The following ZNF337 variants were observed in gnomAD, a reference collection of about 807,000 sequenced individuals.
The protein encoded by ZNF337 is zinc finger protein 337.
A neutral mutation model predicts 12.1 loss-of-function variants in ZNF337; 8 were observed. The observed-to-expected ratio is 0.66, with a 90% CI of 0.39 to 1.19. The LOEUF (loss-of-function observed/expected upper bound fraction) is 1.19. ZNF337 is among the 50% of genes most tolerant of loss of function. The pLI is 0.01. For synonymous variants in ZNF337, 336 were observed against 320.0 expected, an observed-to-expected ratio of 1.05 and a Z score of -0.53; for missense variants, 882 against 896.6, an observed-to-expected ratio of 0.98 and a Z score of 0.21.
Position 25,674,103 on chromosome 20 carries a change from G to A in ZNF337, c.*929C>T, listed in dbSNP as rs1342323847. The A allele has an allele frequency of 6.6e-6, 1 of 152,226 alleles. No homozygotes were observed. Among genetic ancestry groups the A allele is most frequent in the Non-Finnish European group, 1.5e-5 (1 of 68,050 alleles). The allele number at this position is 152,226 out of a possible 1,614,324, so 9.4% of individuals were successfully genotyped here. On this transcript the variant is annotated 3_prime_UTR_variant, in exon 5 of 5. Coordinates refer to ENST00000252979, the MANE Select transcript of ZNF337 (RefSeq NM_015655.4). Reference sequence around the variant, plus strand: ...GGGAGTTCTCTGCAAAGACCAATATGGGACTGCATATACAGAGATTTTATT... The same window carrying A: ...GGGAGTTCTCTGCAAAGACCAATATAGGACTGCATATACAGAGATTTTATT...
chr20:25,682,429 C>T lies in ZNF337; in HGVS notation c.250+3138G>A, dbSNP rs1453014737. Among the ~76,000 whole-genome samples, 8 of 152,212 alleles carry T rather than the reference C, an allele frequency of 5.3e-5. No homozygotes were observed. In the East Asian group the frequency reaches 1.3e-3, roughly 26 times the overall value. On this transcript the variant is annotated intron_variant, in intron 4 of 4. Transcript: ENST00000252979. ...AACTTAGTAGATATGGAACAATCCA[C>T]TATGAATATAGAAGATGTAAAAATC... is the stretch of plus-strand genomic sequence containing the variant.
intron 1 of ZNF337, among the ~76,000 whole-genome samples, chr20:25,695,792 G>A (rs1475640329): frequency 1.3e-5 from 2 of 152,094 alleles, no homozygotes; most frequent in African/African-American, 4.8e-5. Context: ...CTCCCAAAGT[G>A]CTGGGACTAC....
At chr20:25,677,572 C>T (rs980205205) in intron 4 of ZNF337, 1 of 152,648 alleles carries the variant, frequency 6.6e-6, no homozygotes, top group Admixed American at 6.6e-5. Context: ...CTCACTCTGT[C>T]ACCCAGGCTG....
intron 1 of ZNF337, 128 bp from the exon 2 acceptor site, chr20:25,686,594 C>T: frequency 1.4e-6 from 1 of 699,658 alleles, no homozygotes; most frequent in South Asian, 1.9e-5. Flanking sequence ...CTGTGGGGAT[C>T]TGGCCAAAAG....
At chr20:25,692,171 T>C (rs1451599218) in intron 1 of ZNF337, among the ~76,000 whole-genome samples, 4 of 152,226 alleles carry the variant, frequency 2.6e-5, no homozygotes, top group East Asian at 1.9e-4. Flanking sequence ...AGCTGGTTTC[T>C]AGATATTTCT....
Position 25,676,717 on chromosome 20 carries a change from G to A in ZNF337, c.571C>T (p.Arg191Trp), listed in dbSNP as rs138762711. 24 of 1,614,002 alleles carry A rather than the reference G, an allele frequency of 1.5e-5. No individual in the cohort carries two copies. Among genetic ancestry groups the A allele is most frequent in the Non-Finnish European group, 1.6e-5 (19 of 1,180,036 alleles). The change falls in exon 5 of 5, where the codon CGG becomes TGG. Residue 191 changes from arginine to tryptophan, a missense_variant. Arg to Trp is a moderately radical substitution (Grantham distance 101, BLOSUM62 -3). Coordinates refer to ENST00000252979, the MANE Select transcript of ZNF337 (RefSeq NM_015655.4). Reference sequence around the variant, plus strand: ...TTGTGTATGATTACCATCATCTTCCGGCTGAAGTCTTGCCCACGCTCTGCA... The same window carrying A: ...TTGTGTATGATTACCATCATCTTCCAGCTGAAGTCTTGCCCACGCTCTGCA... Reference protein sequence around the residue: ...KCAERGQDFSRKMMVIIHKKA... With the variant: ...KCAERGQDFSWKMMVIIHKKA...
At position 25,675,090 on chromosome 20, in the gene ZNF337, T is replaced by G. The variant is rs1270356196; in HGVS notation, c.2198A>C (p.Lys733Thr). The stretch of plus-strand genomic sequence containing the variant: ...AAAACGCTTCTCACGTAAGTGTCTC[T>G]TTAAGTGCTTACTGTAGTATGACTT... ...SNKSYYSKHLKRHLREKRFCT... is the reference protein window; with the variant it reads ...SNKSYYSKHLTRHLREKRFCT... Residue 733 changes from lysine to threonine, a missense_variant, in exon 5 of 5, where the codon AAG becomes ACG. By Grantham distance (78) the Lys-to-Thr change is moderately conservative (BLOSUM62 -1). Coordinates refer to ENST00000252979, the MANE Select transcript of ZNF337 (RefSeq NM_015655.4). 3 of 1,613,862 alleles carry G rather than the reference T, an allele frequency of 1.9e-6. No individual in the cohort carries two copies. Among genetic ancestry groups the G allele is most frequent in the South Asian group, 2.2e-5 (2 of 91,050 alleles).
At position 25,674,831 on chromosome 20, in the gene ZNF337, A is replaced by G; in HGVS notation, c.*201T>C. The G allele has an allele frequency of 1.7e-6, 1 of 594,148 alleles. No individual in the cohort carries two copies. The allele number at this position is 594,148 out of a possible 1,614,324, so 36.8% of individuals were successfully genotyped here. A position where few individuals can be genotyped will look rare whatever the true frequency, so the allele number is the denominator to read the frequency against. ...AGGTAATGCCCTCCCCTCAACTGGC[A>G]TCTCTGTTCCCTAAACATTGACCTC... is the stretch of plus-strand genomic sequence containing the variant. On this transcript the variant is annotated 3_prime_UTR_variant, in exon 5 of 5. Coordinates refer to ENST00000252979, the MANE Select transcript of ZNF337 (RefSeq NM_015655.4).
Position 25,675,433 on chromosome 20 carries a change from G to A in ZNF337, c.1855C>T (p.Gln619Ter), listed in dbSNP as rs765184760. ...GGCTGCTTGCCAGAATGTGCAAGCTGGTGTTTCACAAGATTTGACTTCCAG... is the reference window on the plus strand; with the variant it reads ...GGCTGCTTGCCAGAATGTGCAAGCTAGTGTTTCACAAGATTTGACTTCCAG... ...FIWKSNLVKH[Q>*]LAHSGKQPFV... Residue 619 changes from glutamine to a stop codon, truncating the protein, a stop_gained, in exon 5 of 5, where the codon CAG becomes TAG. Coordinates refer to ENST00000252979, the MANE Select transcript of ZNF337 (RefSeq NM_015655.4). LOFTEE classifies it low-confidence loss of function (END_TRUNC). 7.4e-6 allele frequency: 12 copies of A among 1,614,044 alleles called. No homozygotes were observed. Among genetic ancestry groups the A allele is most frequent in the Non-Finnish European group, 8.5e-6 (10 of 1,179,996 alleles).
Position 25,676,536 on chromosome 20 carries a change from A to AGGTT in ZNF337, c.748_751dup (p.Leu251GlnfsTer27), listed in dbSNP as rs1360649002. 9.9e-6 allele frequency: 16 copies of AGGTT among 1,613,932 alleles called. No homozygotes were observed. Among genetic ancestry groups the AGGTT allele is most frequent in the Non-Finnish European group, 1.4e-5 (16 of 1,180,002 alleles). ...TGAGTGTGTCCTCTGGTGTCTGAGG[A>AGGTT]GGTTGGCCTTGAGGCTGAAGCCTCG... On this transcript the variant is annotated frameshift_variant, in exon 5 of 5. Coordinates refer to ENST00000252979, the MANE Select transcript of ZNF337 (RefSeq NM_015655.4). LOFTEE classifies it low-confidence loss of function (END_TRUNC).
At position 25,686,425 on chromosome 20, in the gene ZNF337, T is replaced by C; in HGVS notation, c.-8A>G. On this transcript the variant is annotated 5_prime_UTR_variant, in exon 2 of 5. Coordinates refer to ENST00000252979, the MANE Select transcript of ZNF337 (RefSeq NM_015655.4). The stretch of plus-strand genomic sequence containing the variant: ...GGCTCCCTGAGGTCCCATGACTGTC[T>C]TCCTGCTCTCCACGGAGAAGGGAAG... The C allele has an allele frequency of 1.2e-6, 2 of 1,614,090 alleles. No individual in the cohort carries two copies. Among genetic ancestry groups the C allele is most frequent in the Non-Finnish European group, 1.7e-6 (2 of 1,179,988 alleles).
intron 1 of ZNF337, 135 bp downstream of exon 1, chr20:25,696,624 G>T (rs1040956375): frequency 3.4e-6 from 2 of 581,598 alleles, no homozygotes; most frequent in Non-Finnish European, 4.3e-6. Context: ...CCCCTCCCCA[G>T]AACGCGGAGA....
In ZNF337 at chr20:25,675,115, T is replaced by G; in HGVS notation, c.2173A>C (p.Lys725Gln). 1 of 1,614,204 alleles carries G rather than the reference T, an allele frequency of 6.2e-7. No individual in the cohort carries two copies. The highest frequency in any genetic ancestry group is 1.1e-5 in the South Asian group (1 of 91,086). ...CQECGRKFSN[K>Q]SYYSKHLKRH... ...TTTAAGTGCTTACTGTAGTATGACT[T>G]ATTGCTAAACTTTCGTCCACACTCT... Residue 725 changes from lysine (K) to glutamine (Q), a missense_variant, in exon 5 of 5, where the codon AAG (lysine) becomes CAG (glutamine). Physicochemically the swap from Lys to Gln is moderately conservative, Grantham distance 53. Transcript: ENST00000252979.
intron 1 of ZNF337, among the ~76,000 whole-genome samples, chr20:25,687,603 T>A (rs1235691036): frequency 6.6e-6 from 1 of 152,124 alleles, no homozygotes; most frequent in African/African-American, 2.4e-5. Flanking sequence ...AAAATAAAAC[T>A]AGGGACCCCA....
chr20:25,686,219 T>G, intron 2 of ZNF337, 97 bp from the exon 3 acceptor site: 6 of 1,579,036 alleles, frequency 3.8e-6, no homozygotes, highest in Non-Finnish European at 4.3e-6. Context: ...GATCACTACT[T>G]GATGAGTGAC....
Position 25,676,114 on chromosome 20 carries a change from G to T in ZNF337, c.1174C>A (p.Leu392Ile). Residue 392 changes from leucine (L) to isoleucine (I), a missense_variant, in exon 5 of 5, where the codon CTC becomes ATC. Coordinates refer to ENST00000252979, the MANE Select transcript of ZNF337 (RefSeq NM_015655.4). ...CCTGAGTGTGTTCTCTGGTGTCTGAGGAGACTTCCTTTCACGCTAAAACTT... is the reference window on the plus strand; with the variant it reads ...CCTGAGTGTGTTCTCTGGTGTCTGATGAGACTTCCTTTCACGCTAAAACTT... The part of the protein sequence containing the change: ...KQSFSVKGSL[L>I]RHQRTHSGEK... 6.2e-7 allele frequency: 1 copy of T among 1,605,776 alleles called. No individual in the cohort carries two copies. The highest frequency in any genetic ancestry group is 8.5e-7 in the Non-Finnish European group (1 of 1,177,222).
At chr20:25,693,719 G>C (rs1007382908) in intron 1 of ZNF337, among the ~76,000 whole-genome samples, 1 of 152,172 alleles carries the variant, frequency 6.6e-6, no homozygotes, top group African/African-American at 2.4e-5. Context: ...CAAGATGTCA[G>C]ACATTAGCAA....
chr20:25,680,942 A>C (rs555974435), intron 4 of ZNF337: 1 of 152,352 alleles, frequency 6.6e-6, no homozygotes, highest in South Asian at 2.1e-4. Context: ...CTGACAGACA[A>C]ATCAGCAAGC....
chr20:25,674,915 G>T lies in ZNF337; in HGVS notation c.*117C>A. ...AATTCAGGTTCTCTGTAGCCCTCTG[G>T]ATTCTGTCTGCCTCTGTTATATCTT... On this transcript the variant is annotated 3_prime_UTR_variant, in exon 5 of 5. Coordinates refer to ENST00000252979, the MANE Select transcript of ZNF337 (RefSeq NM_015655.4). 1.1e-6 allele frequency: 1 copy of T among 919,794 alleles called. No individual in the cohort carries two copies. Among genetic ancestry groups the T allele is most frequent in the Non-Finnish European group, 1.6e-6 (1 of 613,314 alleles). The allele number at this position is 919,794 out of a possible 1,614,324, so 57.0% of individuals were successfully genotyped here. A position where few individuals can be genotyped will look rare whatever the true frequency, so the allele number is the denominator to read the frequency against.
Sources: gnomAD v4.1 joint callset for allele counts (sites outside exome capture counted in the v4.1 genomes callset) on GRCh38, gnomAD v4.1.1 for gene constraint, MANE v1.5 for transcripts, NCBI Gene and HGNC (gene_info 2026-07-23, HGNC 2026-07-21) for gene names.